LAMA3: variants seen among roughly 807,000 people sequenced by gnomAD.
LAMA3 encodes the protein laminin subunit alpha-3.
A neutral mutation model predicts 402.0 loss-of-function variants in LAMA3; 281 were observed. The ratio of observed to expected loss-of-function variants is 0.70; its 90% CI spans 0.63 to 0.77. LAMA3 has a LOEUF of 0.77. LAMA3 is among the 30% of genes least tolerant of loss of function. LAMA3 has a pLI of 0.00. For synonymous variants in LAMA3, 1,431 were observed against 1,558.4 expected (o/e 0.92, Z 1.93); for missense variants, 3,840 against 4,215.5 (o/e 0.91, Z 2.47).
chr18:23,690,567 T>G (rs2060564570), intron 1 of LAMA3, among the ~76,000 whole-genome samples: 1 of 152,160 alleles, frequency 6.6e-6, no homozygotes, highest in Non-Finnish European at 1.5e-5. Context: ...GATCCGAGCC[T>G]CACCGCGAAC....
chr18:23,756,927 C>A (rs1482203954), intron 6 of LAMA3, among the ~76,000 whole-genome samples: 1 of 146,428 alleles, frequency 6.8e-6, no homozygotes, highest in Non-Finnish European at 1.5e-5. Context: ...TTCCCTGCCC[C>A]CGCCCCCCAC....
chr18:23,740,363 TA>T (rs1327251161), intron 2 of LAMA3, among the ~76,000 whole-genome samples: 1 of 152,214 alleles, frequency 6.6e-6, no homozygotes, highest in East Asian at 1.9e-4. Context: ...TTTATACGTA[TA>T]AAATCTATGT....
chr18:23,919,758 G>C lies in LAMA3; in HGVS notation c.7924-1177G>C, dbSNP rs188321192. Among the ~76,000 whole-genome samples, 3 of 152,162 alleles carry C rather than the reference G, an allele frequency of 2.0e-5. No individual in the cohort carries two copies. The East Asian group carries it at 5.8e-4, about 30-fold the overall frequency. ...GAGCCAGAGGCAGTGCTGAGAGAGA[G>C]GCAGATGCCACGCAGCATCTGGTAG... On this transcript the variant is annotated intron_variant, in intron 60 of 74. Coordinates refer to ENST00000313654, the MANE Select transcript of LAMA3 (RefSeq NM_198129.4).
intron 47 of LAMA3, 75 bp from the exon 48 acceptor site, chr18:23,901,052 T>C: frequency 7.6e-7 from 1 of 1,312,190 alleles, no homozygotes; most frequent in Non-Finnish European, 1.1e-6. Flanking sequence ...AACTCGATTC[T>C]CCCTTTGTAG....
chr18:23,719,051 C>G (rs947798853), intron 2 of LAMA3, among the ~76,000 whole-genome samples: 2 of 152,190 alleles, frequency 1.3e-5, no homozygotes, highest in Non-Finnish European at 2.9e-5. Flanking sequence ...TGGTGGCAGC[C>G]TACTCATTAA....
intron 32 of LAMA3, among the ~76,000 whole-genome samples, chr18:23,848,576 A>G (rs2063874390): frequency 6.6e-6 from 1 of 151,788 alleles, no homozygotes; most frequent in Non-Finnish European, 1.5e-5. Flanking sequence ...CATGCACCCC[A>G]CTCCCTTCAG....
At position 23,719,665 on chromosome 18, in the gene LAMA3, G is replaced by T. The variant is rs567032948; in HGVS notation, c.447+5593G>T. ...GAATTCAGTATGTAGTTGCATTCTA[G>T]AATCTTTTTTTTTTTTTTTTTCCTG... On this transcript the variant is annotated intron_variant, in intron 2 of 74. Coordinates refer to ENST00000313654, the MANE Select transcript of LAMA3 (RefSeq NM_198129.4). Among the ~76,000 whole-genome samples, 4 of 150,384 alleles carry T rather than the reference G, an allele frequency of 2.7e-5. No individual in the cohort carries two copies. The East Asian group carries it at 5.9e-4, about 22-fold the overall frequency.
chr18:23,737,774 T>C (rs2337188), intron 2 of LAMA3, among the ~76,000 whole-genome samples: 3,833 of 152,336 alleles, frequency 0.025, 159 homozygotes, highest in African/African-American at 0.087. Flanking sequence ...ACTGAGTGCG[T>C]GTTTTGTATT....
Position 23,876,383 on chromosome 18 carries a change from C to A in LAMA3, c.5088C>A (p.Cys1696Ter). ...PCNCNGHSNQ[C>*]QDGSGICVNC... is the part of the protein sequence containing the mutation. ...ATTGCAACGGACATTCAAATCAATG[C>A]CAGGATGGCTCAGGCATATGTGTTG... The change falls in exon 39 of 75, where the codon TGC (cysteine) becomes TGA (stop). Residue 1696 changes from cysteine to a stop codon, truncating the protein, a stop_gained. Coordinates refer to ENST00000313654, the MANE Select transcript of LAMA3 (RefSeq NM_198129.4). LOFTEE classifies it high-confidence loss of function. 6.2e-7 allele frequency: 1 copy of A among 1,612,272 alleles called. No individual in the cohort carries two copies. The highest frequency in any genetic ancestry group is 8.5e-7 in the Non-Finnish European group (1 of 1,178,258).
intron 18 of LAMA3, among the ~76,000 whole-genome samples, chr18:23,817,870 A>G (rs1411554943): frequency 6.6e-6 from 1 of 152,188 alleles, no homozygotes; most frequent in Non-Finnish European, 1.5e-5. Flanking sequence ...AAATGCCTGC[A>G]TAAAACGTTT....
At chr18:23,720,522 T>G (rs2061191469) in intron 2 of LAMA3, among the ~76,000 whole-genome samples, 1 of 152,066 alleles carries the variant, frequency 6.6e-6, no homozygotes, top group South Asian at 2.1e-4. Context: ...ACCCAGCTAA[T>G]TTTTTTGTAT....
At chr18:23,730,982 T>A (rs1308437486) in intron 2 of LAMA3, among the ~76,000 whole-genome samples, 1 of 152,076 alleles carries the variant, frequency 6.6e-6, no homozygotes, top group African/African-American at 2.4e-5. Context: ...AGTGGATTGT[T>A]ACAGAGAAGC....
intron 12 of LAMA3, among the ~76,000 whole-genome samples, chr18:23,801,574 C>G (rs2062867106): frequency 6.6e-6 from 1 of 152,182 alleles, no homozygotes; most frequent in African/African-American, 2.4e-5. Flanking sequence ...AGTGAGATGG[C>G]TAGATTGTAT....
In LAMA3 at chr18:23,810,382, C is replaced by A. The variant is rs376422353; in HGVS notation, c.1620C>A (p.Ala540=). The change falls in exon 13 of 75, where the codon GCC becomes GCA. Residue 540 remains alanine (A), a synonymous_variant. Coordinates refer to ENST00000313654, the MANE Select transcript of LAMA3 (RefSeq NM_198129.4). ...TTCATCCAGCCTGCTGGTGTTCAGCCCTTGGATCCTACCAGATGCCCTGCA... is the reference window on the plus strand; with the variant it reads ...TTCATCCAGCCTGCTGGTGTTCAGCACTTGGATCCTACCAGATGCCCTGCA... ...FPICQACWCS[A]LGSYQMPCSS... 195 of 1,614,014 alleles carry A rather than the reference C, an allele frequency of 1.2e-4. No homozygotes were observed. The highest frequency in any genetic ancestry group is 1.6e-4 in the Non-Finnish European group (189 of 1,180,032).
chr18:23,782,085 G>A (rs752327949), intron 11 of LAMA3, among the ~76,000 whole-genome samples: 2 of 152,050 alleles, frequency 1.3e-5, no homozygotes, highest in Non-Finnish European at 2.9e-5. Flanking sequence ...TAGGGCAAAG[G>A]GATTTGGCTA....
Position 23,818,060 on chromosome 18 carries a change from C to T in LAMA3, c.2147+1573C>T, listed in dbSNP as rs186330488. Among the ~76,000 whole-genome samples, 485 of 152,272 alleles carry T rather than the reference C, an allele frequency of 3.2e-3. 3 individuals carry two copies. The highest frequency in any genetic ancestry group is 4.8e-3 in the Non-Finnish European group (325 of 68,016). ...ATCCCAGCTACTCTGGAGGCTGAGG[C>T]AGGAGAATTGCTTGAACCTGGGAGG... On this transcript the variant is annotated intron_variant, in intron 18 of 74. Transcript: ENST00000313654.
Position 23,801,049 on chromosome 18 carries a change from C to T in LAMA3, c.1604-9317C>T, listed in dbSNP as rs545113899. Among the ~76,000 whole-genome samples, 4 of 151,966 alleles carry T rather than the reference C, an allele frequency of 2.6e-5. 1 individual carries two copies. The South Asian group carries it at 8.3e-4, about 32-fold the overall frequency. The stretch of plus-strand genomic sequence containing the variant: ...TGGAATCAATCTAGATGCCCATCGA[C>T]AGTGAACTGGATAAAGGAAATATGG... On this transcript the variant is annotated intron_variant, in intron 12 of 74. Coordinates refer to ENST00000313654, the MANE Select transcript of LAMA3 (RefSeq NM_198129.4).
intron 60 of LAMA3, among the ~76,000 whole-genome samples, chr18:23,917,987 A>G (rs2081697706): frequency 6.6e-6 from 1 of 152,088 alleles, no homozygotes; most frequent in African/African-American, 2.4e-5. Context: ...TATGTCTAGA[A>G]TAGGTTTTCT....
Position 23,689,795 on chromosome 18 carries a change from G to C in LAMA3, c.112G>C (p.Asp38His). The C allele has an allele frequency of 6.5e-7, 1 of 1,536,004 alleles. No homozygotes were observed. The highest frequency in any genetic ancestry group is 1.2e-5 in the South Asian group (1 of 82,496). The change falls in exon 1 of 75, where the codon GAT becomes CAT. Residue 38 changes from aspartate (D) to histidine (H), a missense_variant. Coordinates refer to ENST00000313654, the MANE Select transcript of LAMA3 (RefSeq NM_198129.4). ...GCCAGCCTGCGGGGCGACCGCTCGGGATCCCGGGGCCGCGGCCGGGCTCAG... is the reference window on the plus strand; with the variant it reads ...GCCAGCCTGCGGGGCGACCGCTCGGCATCCCGGGGCCGCGGCCGGGCTCAG... ...VLPACGATAR[D>H]PGAAAGLSLH...
Sources: allele counts gnomAD v4.1 joint callset (sites outside exome capture counted in the v4.1 genomes callset), GRCh38; gene constraint gnomAD v4.1.1; transcripts MANE v1.5; gene names NCBI Gene and HGNC (gene_info 2026-07-23, HGNC 2026-07-21).